Variants in FSTL5 observed in about 807,000 individuals in gnomAD.
The protein encoded by FSTL5 is follistatin like 5.
FSTL5 carries 62 observed loss-of-function variants against 89.1 expected under a neutral mutation model. That is an observed-to-expected ratio of 0.70 (90% CI 0.57 to 0.86). FSTL5 has a LOEUF of 0.86. FSTL5 is among the 40% of genes least tolerant of loss of function. The probability of loss-of-function intolerance (pLI) is 0.00; values close to 1 mark genes in which losing one functional copy is unlikely to be tolerated. For missense variants in FSTL5, 1,057 were observed against 1,001.6 expected, an observed-to-expected ratio of 1.06 and a Z score of -0.75; for synonymous variants, 383 against 346.2, an observed-to-expected ratio of 1.11 and a Z score of -1.18.
At chr4:161,832,326 C>A (rs927170531) in intron 4 of FSTL5, among the ~76,000 whole-genome samples, 1 of 151,976 alleles carries the variant, frequency 6.6e-6, no homozygotes. Flanking sequence ...TGCAAGAAAT[C>A]GTGGAGTTCA....
intron 2 of FSTL5, among the ~76,000 whole-genome samples, chr4:162,085,868 T>C (rs1040208684): frequency 2.0e-5 from 3 of 152,160 alleles, no homozygotes; most frequent in East Asian, 3.9e-4. Flanking sequence ...TATTATGCTA[T>C]GTGATTTTAT....
At chr4:161,550,883 T>C (rs1344321382) in intron 8 of FSTL5, among the ~76,000 whole-genome samples, 1 of 151,918 alleles carries the variant, frequency 6.6e-6, no homozygotes, top group East Asian at 2.0e-4. Context: ...GATTTCCAAT[T>C]TCATCCATGT....
intron 12 of FSTL5, among the ~76,000 whole-genome samples, chr4:161,484,222 T>A (rs1729606247): frequency 6.6e-6 from 1 of 152,102 alleles, no homozygotes; most frequent in Non-Finnish European, 1.5e-5. Context: ...ATCTTTAAAT[T>A]CCAATCTTTC....
chr4:161,692,782 G>A lies in FSTL5; in HGVS notation c.728-36288C>T, dbSNP rs1737987957. ...CTCTGTCTCCAGGGTGGAGTGCAGT[G>A]GCGCTATCTCGGCTCACTGCAACCT... On this transcript the variant is annotated intron_variant, in intron 6 of 15. Coordinates refer to ENST00000306100, the MANE Select transcript of FSTL5 (RefSeq NM_020116.5). 2.0e-5 allele frequency among the ~76,000 whole-genome samples: 3 copies of A among 152,050 alleles called. No homozygotes were observed. The South Asian group carries it at 6.2e-4, about 32-fold the overall frequency.
intron 3 of FSTL5, among the ~76,000 whole-genome samples, chr4:161,977,414 C>T (rs1255843508): frequency 6.6e-6 from 1 of 151,490 alleles, no homozygotes; most frequent in Non-Finnish European, 1.5e-5. Context: ...AGATCGAGAC[C>T]ATCCTGCCTA....
intron 15 of FSTL5, among the ~76,000 whole-genome samples, chr4:161,427,125 C>A (rs915433158): frequency 7.2e-5 from 11 of 152,152 alleles, no homozygotes; most frequent in African/African-American, 2.7e-4. Flanking sequence ...TTTACAGTTT[C>A]GTCCAGATGT....
intron 4 of FSTL5, among the ~76,000 whole-genome samples, chr4:161,792,403 G>A (rs1405487647): frequency 6.6e-6 from 1 of 152,136 alleles, no homozygotes; most frequent in Admixed American, 6.5e-5. Flanking sequence ...CAAAAGGCAG[G>A]CTTCTGGGTG....
At chr4:161,650,219 A>G (rs1030981227) in intron 7 of FSTL5, among the ~76,000 whole-genome samples, 4 of 152,192 alleles carry the variant, frequency 2.6e-5, no homozygotes, top group African/African-American at 9.7e-5. Context: ...TTCACATGAT[A>G]TCTTCACAGT....
intron 13 of FSTL5, among the ~76,000 whole-genome samples, chr4:161,477,732 T>G (rs1369006918): frequency 2.6e-5 from 4 of 152,064 alleles, no homozygotes; most frequent in Admixed American, 6.6e-5. Flanking sequence ...CACTTTTAAT[T>G]TTTAGAAGAT....
intron 7 of FSTL5, among the ~76,000 whole-genome samples, chr4:161,629,884 T>C (rs1735445531): frequency 6.6e-6 from 1 of 152,100 alleles, no homozygotes; most frequent in Non-Finnish European, 1.5e-5. Context: ...AACGACAGAG[T>C]TGGCGCACAG....
At chr4:161,452,996 G>T (rs2126396309) in intron 15 of FSTL5, among the ~76,000 whole-genome samples, 1 of 152,206 alleles carries the variant, frequency 6.6e-6, no homozygotes, top group African/African-American at 2.4e-5. Flanking sequence ...TAATCATTTA[G>T]AACCCAAAGA....
intron 4 of FSTL5, among the ~76,000 whole-genome samples, chr4:161,872,143 T>TTTG (rs1732289497): frequency 1.5e-5 from 2 of 129,930 alleles, no homozygotes; most frequent in Non-Finnish European, 3.3e-5. Context: ...TTTTTTTGGT[T>TTTG]TTTTTTTTTT....
At chr4:161,931,224 A>G (rs1392813448) in intron 3 of FSTL5, among the ~76,000 whole-genome samples, 1 of 152,018 alleles carries the variant, frequency 6.6e-6, no homozygotes, top group African/African-American at 2.4e-5. Context: ...TATGTTTAGG[A>G]TGTGTCACTG....
intron 6 of FSTL5, among the ~76,000 whole-genome samples, chr4:161,693,425 G>A (rs1738021622): frequency 6.6e-6 from 1 of 151,982 alleles, no homozygotes; most frequent in Non-Finnish European, 1.5e-5. Flanking sequence ...AAGTTTGGGA[G>A]AATCCAACAA....
intron 3 of FSTL5, among the ~76,000 whole-genome samples, chr4:161,954,608 C>T (rs1319672454): frequency 6.6e-6 from 1 of 151,486 alleles, no homozygotes; most frequent in African/African-American, 2.4e-5. Flanking sequence ...GTGTATATAT[C>T]CATCTATCAC....
At chr4:161,953,774 C>T (rs1013828816) in intron 3 of FSTL5, among the ~76,000 whole-genome samples, 4 of 151,558 alleles carry the variant, frequency 2.6e-5, no homozygotes, top group African/African-American at 7.2e-5. Context: ...ATCTCAGACC[C>T]TGCAATTATC....
At chr4:162,085,905 A>T (rs998743670) in intron 2 of FSTL5, among the ~76,000 whole-genome samples, 2 of 152,082 alleles carry the variant, frequency 1.3e-5, no homozygotes, top group Non-Finnish European at 2.9e-5. Context: ...AGTTTAATTT[A>T]TATCACAAAC....
chr4:162,085,548 C>G (rs998711139), intron 2 of FSTL5, among the ~76,000 whole-genome samples: 1 of 152,100 alleles, frequency 6.6e-6, no homozygotes, highest in Admixed American at 6.6e-5. Context: ...TTTATATACA[C>G]ACACATATAT....
chr4:161,794,996 T>C (rs1315399789), intron 4 of FSTL5, among the ~76,000 whole-genome samples: 3 of 151,974 alleles, frequency 2.0e-5, no homozygotes, highest in South Asian at 2.1e-4. Context: ...ATATATATTT[T>C]ATTTACATAT....
Sources: allele counts gnomAD v4.1 joint callset (sites outside exome capture counted in the v4.1 genomes callset), GRCh38; gene constraint gnomAD v4.1.1; transcripts MANE v1.5; gene names NCBI Gene and HGNC (gene_info 2026-07-23, HGNC 2026-07-21).